SNX6: variants seen among roughly 807,000 people sequenced by gnomAD.
SNX6 encodes the protein sorting nexin-6.
Under a neutral mutation model 63.0 loss-of-function variants are expected in SNX6, and 34 were observed. The observed-to-expected ratio is 0.54, with a 90% CI of 0.41 to 0.72. The LOEUF is 0.72. Among genes scored for constraint, SNX6 ranks in the 30% least tolerant of loss-of-function variants. The probability of loss-of-function intolerance (pLI) is 0.00; values close to 1 mark genes in which losing one functional copy is unlikely to be tolerated. For missense variants in SNX6, 398 were observed against 471.4 expected (o/e 0.84, Z 1.44); for synonymous variants, 170 against 164.2 (o/e 1.04, Z -0.27).
Position 34,572,703 on chromosome 14 carries a change from T to C in SNX6, c.921+3053A>G, listed in dbSNP as rs551405336. ...TTGTTTTTTTTTGTTTTTTTTGAGA[T>C]GGAGTCTCGCTCTGTCCCCCAGGCC... On this transcript the variant is annotated intron_variant, in intron 11 of 13. Coordinates refer to ENST00000362031, the MANE Select transcript of SNX6 (RefSeq NM_152233.4). Among the ~76,000 whole-genome samples, 10 of 152,064 alleles carry C rather than the reference T, an allele frequency of 6.6e-5. No individual in the cohort carries two copies. In the South Asian group the frequency reaches 1.5e-3, roughly 22 times the overall value.
intron 2 of SNX6, among the ~76,000 whole-genome samples, chr14:34,623,277 A>G (rs1883696846): frequency 6.6e-6 from 1 of 152,182 alleles, no homozygotes; most frequent in South Asian, 2.1e-4. Context: ...TGAGGGGGAA[A>G]AAAAACACTG....
intron 2 of SNX6, among the ~76,000 whole-genome samples, chr14:34,612,470 T>C (rs67170227): frequency 0.39 from 57,169 of 147,864 alleles, 12,585 homozygotes; most frequent in East Asian, 0.76. Context: ...TCTCACTTTG[T>C]CCCCTGAGGT....
chr14:34,606,466 T>TTG (rs1555327565), intron 4 of SNX6, among the ~76,000 whole-genome samples: 29 of 149,552 alleles, frequency 1.9e-4, no homozygotes, highest in Non-Finnish European at 2.5e-4. Flanking sequence ...TTTTTTTTTT[T>TTG]GGGGGGATGG....
At chr14:34,600,606 T>C (rs1290049677) in intron 6 of SNX6, among the ~76,000 whole-genome samples, 1 of 152,156 alleles carries the variant, frequency 6.6e-6, no homozygotes, top group Non-Finnish European at 1.5e-5. Flanking sequence ...GGTTAACCTG[T>C]ACATGAGCAC....
At chr14:34,630,017 G>C in intron 1 of SNX6, 63 bp from the exon 2 acceptor site, 1 of 1,475,868 alleles carries the variant, frequency 6.8e-7, no homozygotes, top group Non-Finnish European at 8.9e-7. Flanking sequence ...CACAAAGGGA[G>C]ACATTAGTGA....
At chr14:34,612,476 G>A (rs1424871439) in intron 2 of SNX6, among the ~76,000 whole-genome samples, 1 of 111,310 alleles carries the variant, frequency 9.0e-6, no homozygotes, top group African/African-American at 3.2e-5. Flanking sequence ...TTTGTCCCCT[G>A]AGGTTGGAGT....
intron 9 of SNX6, among the ~76,000 whole-genome samples, chr14:34,582,722 T>C (rs2138295922): frequency 6.6e-6 from 1 of 151,832 alleles, no homozygotes; most frequent in South Asian, 2.1e-4. Context: ...TTTGTATTTT[T>C]AGTAGAAATG....
At chr14:34,580,260 G>A (rs1881882425) in intron 10 of SNX6, among the ~76,000 whole-genome samples, 1 of 152,194 alleles carries the variant, frequency 6.6e-6, no homozygotes, top group Non-Finnish European at 1.5e-5. Flanking sequence ...GGCAGCTGAG[G>A]AGATGAGGAG....
At chr14:34,580,280 C>G (rs559763671) in intron 10 of SNX6, among the ~76,000 whole-genome samples, 62 of 152,270 alleles carry the variant, frequency 4.1e-4, no homozygotes, top group Non-Finnish European at 8.2e-4. Flanking sequence ...GGAGACAGGG[C>G]ATCTGGGTTG....
chr14:34,612,199 C>T (rs1246709231), intron 2 of SNX6, among the ~76,000 whole-genome samples: 2 of 152,132 alleles, frequency 1.3e-5, no homozygotes, highest in African/African-American at 4.8e-5. Context: ...CCTTGGCCTC[C>T]CAAAGTGCTG....
chr14:34,629,072 GGGT>G (rs1420741795), intron 2 of SNX6, among the ~76,000 whole-genome samples: 3 of 151,874 alleles, frequency 2.0e-5, no homozygotes, highest in Non-Finnish European at 4.4e-5. Flanking sequence ...GGGGGTGAGT[GGGT>G]GGAGCGTCGA....
chr14:34,591,238 A>AAC (rs1174779742), intron 8 of SNX6, among the ~76,000 whole-genome samples: 2 of 151,640 alleles, frequency 1.3e-5, no homozygotes, highest in Non-Finnish European at 2.9e-5. Context: ...GTTAAAAAAA[A>AAC]AACCCTCACT....
intron 2 of SNX6, among the ~76,000 whole-genome samples, chr14:34,611,766 A>G (rs1021139327): frequency 2.0e-5 from 3 of 151,054 alleles, no homozygotes; most frequent in African/African-American, 7.3e-5. Context: ...AAAAAAAAAA[A>G]AGAGAAATCT....
chr14:34,591,702 C>T (rs528837447), intron 8 of SNX6, among the ~76,000 whole-genome samples: 16 of 152,234 alleles, frequency 1.1e-4, no homozygotes, highest in African/African-American at 3.4e-4. Context: ...TTCCAAAATT[C>T]GAATTATTGC....
chr14:34,568,097 A>C, intron 11 of SNX6, 84 bp from the exon 12 acceptor site: 1 of 1,173,152 alleles, frequency 8.5e-7, no homozygotes, highest in Non-Finnish European at 1.2e-6. Context: ...CCACCACCAC[A>C]ACCATCAGAG....
At chr14:34,621,951 CTTTTTTTTTTTT>C (rs1037764907) in intron 2 of SNX6, among the ~76,000 whole-genome samples, 2 of 77,420 alleles carry the variant, frequency 2.6e-5, no homozygotes, top group African/African-American at 5.8e-5. Context: ...CATGTCTTTC[CTTTTTTTTTTTT>C]TTTTTTTTTT....
Position 34,630,112 on chromosome 14 carries a change from A to C in SNX6, c.5T>G (p.Met2Arg). 1 of 1,427,012 alleles carries C rather than the reference A, an allele frequency of 7.0e-7. No individual in the cohort carries two copies. The highest frequency in any genetic ancestry group is 9.1e-7 in the Non-Finnish European group (1 of 1,101,142). The allele number at this position is 1,427,012 out of a possible 1,614,324, so 88.4% of individuals were successfully genotyped here. The change falls in exon 1 of 14, where the codon ATG becomes AGG. Residue 2 changes from methionine (M) to arginine (R), a missense_variant and splice_region_variant. Coordinates refer to ENST00000362031, the MANE Select transcript of SNX6 (RefSeq NM_152233.4). ...CTCGGCGCCGCGGAGAACACCCACC[A>C]TCATGGCTGCTCCGAGGCGAGGGCC... M[M>R]EGLDDGPDFL...
chr14:34,563,142 C>A lies in SNX6; in HGVS notation c.1201G>T (p.Val401Leu), dbSNP rs1289697855. Residue 401 changes from valine to leucine, a missense_variant, in exon 14 of 14, where the codon GTG becomes TTG. Coordinates refer to ENST00000362031, the MANE Select transcript of SNX6 (RefSeq NM_152233.4). ...GTGGCTTATGTGTCTCCATTTAACACTGCCAGGCAGTTCTGCAGCAACTGT... is the reference window on the plus strand; with the variant it reads ...GTGGCTTATGTGTCTCCATTTAACAATGCCAGGCAGTTCTGCAGCAACTGT... ...NLQLLQNCLA[V>L]LNGDT The A allele has an allele frequency of 6.2e-7, 1 of 1,614,088 alleles. No individual in the cohort carries two copies. The highest frequency in any genetic ancestry group is 1.3e-5 in the African/African-American group (1 of 75,044).
chr14:34,592,813 G>C (rs1594721339), intron 8 of SNX6, among the ~76,000 whole-genome samples: 1 of 152,194 alleles, frequency 6.6e-6, no homozygotes, highest in Admixed American at 6.5e-5. Flanking sequence ...CTGGGCTCAA[G>C]TGATATTCCC....
Sources: allele counts gnomAD v4.1 joint callset (sites outside exome capture counted in the v4.1 genomes callset), GRCh38; gene constraint gnomAD v4.1.1; transcripts MANE v1.5; gene names NCBI Gene and HGNC (gene_info 2026-07-23, HGNC 2026-07-21).